Variants in FAT4 observed in about 807,000 individuals in gnomAD.
FAT4 encodes the protein protocadherin Fat 4.
In FAT4, 84 loss-of-function variants were observed where a neutral mutation model predicts 303.9. That is an observed-to-expected ratio of 0.28 (90% CI 0.23 to 0.33). The LOEUF is 0.33. Ranked by LOEUF, FAT4 falls within the 10% of genes least tolerant of loss-of-function variation. The pLI is 1.00. For synonymous variants in FAT4, 2,307 were observed against 2,298.8 expected (o/e 1.00, Z -0.10); for missense variants, 6,005 against 6,146.8 (o/e 0.98, Z 0.77).
At position 125,319,926 on chromosome 4, in the gene FAT4, C is replaced by T. The variant is rs535333070; in HGVS notation, c.3515C>T (p.Thr1172Ile). ...DRESLMRRRG[T>I]AVFSFTVIAT... is the part of the protein sequence containing the mutation. ...GAGTCTCTTATGAGGCGGAGAGGGA[C>T]TGCTGTGTTTAGCTTTACAGTCATA... The change falls in exon 2 of 18, where the codon ACT becomes ATT. Residue 1172 changes from threonine (T) to isoleucine (I), a missense_variant. Thr to Ile is a moderately conservative substitution (Grantham distance 89). Coordinates refer to ENST00000394329, the MANE Select transcript of FAT4 (RefSeq NM_001291303.3). 205 of 1,613,832 alleles carry T rather than the reference C, an allele frequency of 1.3e-4. 2 individuals are homozygous for T. The South Asian group carries it at 2.1e-3, about 17-fold the overall frequency.
chr4:125,447,751 G>A (rs1725875079), intron 9 of FAT4, among the ~76,000 whole-genome samples: 1 of 152,192 alleles, frequency 6.6e-6, no homozygotes, highest in Admixed American at 6.6e-5. Context: ...ACGACAATCT[G>A]TTTCATTGGC....
intron 12 of FAT4, among the ~76,000 whole-genome samples, chr4:125,471,313 T>A (rs563791152): frequency 3.3e-5 from 5 of 152,338 alleles, no homozygotes; most frequent in Admixed American, 2.0e-4. Context: ...AGTAAGCACA[T>A]GCTGTTGGAA....
chr4:125,436,666 A>AAG (rs1321380229), intron 8 of FAT4, among the ~76,000 whole-genome samples: 14 of 152,236 alleles, frequency 9.2e-5, no homozygotes, highest in African/African-American at 3.1e-4. Context: ...GAAGGTGAGG[A>AAG]AGAGCAAAAT....
intron 8 of FAT4, among the ~76,000 whole-genome samples, chr4:125,437,995 C>A (rs567132634): frequency 1.5e-4 from 23 of 152,286 alleles, no homozygotes; most frequent in African/African-American, 5.5e-4. Flanking sequence ...ATGCAAAGCA[C>A]CTAGCCCTCT....
chr4:125,317,555 G>A lies in FAT4; in HGVS notation c.1144G>A (p.Val382Met), dbSNP rs201106660. Residue 382 changes from valine to methionine, a missense_variant, in exon 2 of 18, where the codon GTG (valine) becomes ATG (methionine). Val to Met is a conservative substitution (Grantham distance 21). Coordinates refer to ENST00000394329, the MANE Select transcript of FAT4 (RefSeq NM_001291303.3). This position sits in a 1 kb window ranked among gnomAD's most constrained non-coding sequence, Gnocchi z 7.0. ...QVGTVVALLT[V>M]TDADSPAANG... Reference sequence around the variant, plus strand: ...GGGCACCGTGGTGGCTCTGCTCACCGTGACGGACGCAGATTCTCCCGCGGC... The same window carrying A: ...GGGCACCGTGGTGGCTCTGCTCACCATGACGGACGCAGATTCTCCCGCGGC... 1.9e-6 allele frequency: 3 copies of A among 1,613,888 alleles called. No individual in the cohort carries two copies. Among genetic ancestry groups the A allele is most frequent in the Non-Finnish European group, 2.5e-6 (3 of 1,179,984 alleles).
intron 16 of FAT4, among the ~76,000 whole-genome samples, chr4:125,484,035 TTCTC>T (rs141426835): frequency 0.026 from 3,210 of 125,270 alleles, 122 homozygotes; most frequent in African/African-American, 0.089. Flanking sequence ...CTATCATTCT[TTCTC>T]TCTCTCTCTA....
chr4:125,332,636 A>G (rs1240997364), intron 2 of FAT4, among the ~76,000 whole-genome samples: 1 of 152,054 alleles, frequency 6.6e-6, no homozygotes, highest in African/African-American at 2.4e-5. Context: ...GTAGTAAAAT[A>G]TTGACTATTA....
chr4:125,318,031 G>A lies in FAT4; in HGVS notation c.1620G>A (p.Leu540=). The change falls in exon 2 of 18, where the codon CTG becomes CTA. Residue 540 remains leucine, a synonymous_variant. Coordinates refer to ENST00000394329, the MANE Select transcript of FAT4 (RefSeq NM_001291303.3). ...TGACCACTGGGTCCTCTGGGGGCCT[G>A]GACCGTGAACTTGCTTCCCAGATTG... The part of the protein sequence containing the change: ...GLVTTGSSGG[L]DRELASQIVL... 1 of 1,614,188 alleles carries A rather than the reference G, an allele frequency of 6.2e-7. No homozygotes were observed. The highest frequency in any genetic ancestry group is 2.2e-5 in the East Asian group (1 of 44,872).
At chr4:125,407,274 G>A in intron 4 of FAT4, 133 bp downstream of exon 4, 3 of 790,372 alleles carry the variant, frequency 3.8e-6, no homozygotes, top group Non-Finnish European at 1.9e-6. Flanking sequence ...TATATATGCT[G>A]GATTGTTGGA....
In FAT4 at chr4:125,491,655, G is replaced by A. The variant is rs747143719; in HGVS notation, c.14839G>A (p.Asp4947Asn). 5 of 1,614,182 alleles carry A rather than the reference G, an allele frequency of 3.1e-6. No individual in the cohort carries two copies. The highest frequency in any genetic ancestry group is 4.2e-6 in the Non-Finnish European group (5 of 1,180,036). ...GGGCCCTGGCTTTGGCCATTATGTA[G>A]ATGTTTTTAAAGATTTGGCATCTCT... ...NWGPGFGHYV[D>N]VFKDLASLPE... Residue 4947 changes from aspartate to asparagine, a missense_variant, in exon 18 of 18, where the codon GAT (aspartate) becomes AAT (asparagine). Asp to Asn is a conservative substitution (Grantham distance 23). Transcript: ENST00000394329.
chr4:125,318,181 G>A lies in FAT4; in HGVS notation c.1770G>A (p.Val590=), dbSNP rs1156452329. 6 of 1,614,094 alleles carry A rather than the reference G, an allele frequency of 3.7e-6. No homozygotes were observed. In the African/African-American group the frequency reaches 8.0e-5, roughly 22 times the overall value. ...PVFSQPEGYD[V]SVVENAPTGT... is the part of the protein sequence containing the mutation. ...TTAGCCAGCCAGAAGGGTATGATGT[G>A]TCTGTGGTTGAGAATGCCCCAACAG... is the stretch of plus-strand genomic sequence containing the variant. Residue 590 remains valine (V), a synonymous_variant, in exon 2 of 18, where the codon GTG becomes GTA. Transcript: ENST00000394329.
intron 2 of FAT4, among the ~76,000 whole-genome samples, chr4:125,391,072 G>T (rs1447866490): frequency 6.6e-6 from 1 of 152,136 alleles, no homozygotes; most frequent in African/African-American, 2.4e-5. Context: ...ACTGTTGGGG[G>T]TAATGTAAGT....
rs771066148 is a variant in FAT4 at position 125,316,720 on chromosome 4, C to A, written c.309C>A (p.Ser103Arg). 2 of 1,613,880 alleles carry A rather than the reference C, an allele frequency of 1.2e-6. No individual in the cohort carries two copies. The highest frequency in any genetic ancestry group is 1.1e-5 in the South Asian group (1 of 91,084). ...TSTIDRESLP[S>R]DVINLVVLSS... ...CCATCGACCGCGAGAGCCTGCCCAG[C>A]GACGTGATCAACCTGGTGGTCCTTT... The change falls in exon 2 of 18, where the codon AGC becomes AGA. Residue 103 changes from serine (S) to arginine (R), a missense_variant. Coordinates refer to ENST00000394329, the MANE Select transcript of FAT4 (RefSeq NM_001291303.3). This position sits in a 1 kb window ranked among gnomAD's most constrained non-coding sequence, Gnocchi z 5.7.
chr4:125,434,652 C>T (rs764327549), intron 8 of FAT4, among the ~76,000 whole-genome samples: 2 of 151,918 alleles, frequency 1.3e-5, no homozygotes, highest in Non-Finnish European at 2.9e-5. Context: ...ATATTTTTAT[C>T]ATATCTCATG....
intron 10 of FAT4, among the ~76,000 whole-genome samples, chr4:125,457,585 C>A (rs1726327719): frequency 6.6e-6 from 1 of 151,958 alleles, no homozygotes; most frequent in Non-Finnish European, 1.5e-5. Flanking sequence ...CAGTTATAAT[C>A]ACTTCATATG....
At position 125,398,874 on chromosome 4, in the gene FAT4, G is replaced by A. The variant is rs1734279621; in HGVS notation, c.5266G>A (p.Gly1756Ser). Residue 1756 changes from glycine (G) to serine (S), a missense_variant, in exon 3 of 18, where the codon GGC (glycine) becomes AGC (serine). Coordinates refer to ENST00000394329, the MANE Select transcript of FAT4 (RefSeq NM_001291303.3). ...DLTVEENIGD[G>S]SKIMQLTAMD... is the part of the protein sequence containing the mutation. ...CACGGTAGAGGAGAACATTGGAGAT[G>A]GCTCTAAGATTATGCAGCTGACAGC... 6.2e-7 allele frequency: 1 copy of A among 1,613,236 alleles called. No homozygotes were observed. The highest frequency in any genetic ancestry group is 2.2e-5 in the East Asian group (1 of 44,838).
chr4:125,335,949 C>G (rs1045158993), intron 2 of FAT4, among the ~76,000 whole-genome samples: 2 of 151,980 alleles, frequency 1.3e-5, no homozygotes, highest in African/African-American at 4.8e-5. Context: ...GTTTGATTTA[C>G]TTTTGTTGAT....
At chr4:125,344,308 A>T (rs113420745) in intron 2 of FAT4, among the ~76,000 whole-genome samples, 1 of 152,146 alleles carries the variant, frequency 6.6e-6, no homozygotes, top group Non-Finnish European at 1.5e-5. Flanking sequence ...TATTAGGTGA[A>T]TTATTCCAAT....
At chr4:125,456,345 C>T (rs553614204) in intron 10 of FAT4, among the ~76,000 whole-genome samples, 2 of 152,092 alleles carry the variant, frequency 1.3e-5, no homozygotes, top group African/African-American at 4.8e-5. Context: ...TATACATTAA[C>T]GTTACATACT....
Sources: gnomAD v4.1 joint callset for allele counts (sites outside exome capture counted in the v4.1 genomes callset) on GRCh38, gnomAD v4.1.1 for gene constraint, Gnocchi (gnomAD v3.1) non-coding constraint, MANE v1.5 for transcripts, NCBI Gene and HGNC (gene_info 2026-07-23, HGNC 2026-07-21) for gene names.